Variants in RBFOX3 observed in about 807,000 individuals in gnomAD.
RBFOX3 encodes RNA binding protein fox-1 homolog 3.
RBFOX3 carries 17 observed loss-of-function variants against 48.7 expected under a neutral mutation model. That is an observed-to-expected ratio of 0.35 (90% CI 0.24 to 0.52). The LOEUF is 0.52. Ranked by LOEUF, RBFOX3 falls within the 20% of genes least tolerant of loss-of-function variation. The pLI is 0.94. For missense variants in RBFOX3, 382 were observed against 497.5 expected, an observed-to-expected ratio of 0.77 and a Z score of 2.21; for synonymous variants, 212 against 209.5, an observed-to-expected ratio of 1.01 and a Z score of -0.10.
At chr17:79,092,438 G>A in intron 14 of RBFOX3, 3 of 985,786 alleles carry the variant, frequency 3.0e-6, no homozygotes, top group Non-Finnish European at 3.6e-6. Flanking sequence ...TGGCTGGAGA[G>A]AAATAATCTA....
chr17:79,278,552 AC>A (rs10710735), intron 3 of RBFOX3, among the ~76,000 whole-genome samples: 151,967 of 151,982 alleles, frequency 1, 75,976 homozygotes, highest in Middle Eastern at 1. Context: ...GAGCATGCAG[AC>A]CCCCCACCCT....
At chr17:79,133,308 C>T (rs2039418572) in intron 4 of RBFOX3, among the ~76,000 whole-genome samples, 1 of 152,202 alleles carries the variant, frequency 6.6e-6, no homozygotes, top group Non-Finnish European at 1.5e-5. Flanking sequence ...TCACTACCAG[C>T]TCCTAGCAGA....
intron 2 of RBFOX3, among the ~76,000 whole-genome samples, chr17:79,321,360 A>G (rs1464878102): frequency 6.6e-6 from 1 of 152,242 alleles, no homozygotes; most frequent in African/African-American, 2.4e-5. Flanking sequence ...CAGGACGTAG[A>G]GAGGCTATGG....
intron 1 of RBFOX3, among the ~76,000 whole-genome samples, chr17:79,525,641 G>A (rs1284640105): frequency 1.3e-5 from 2 of 152,174 alleles, no homozygotes; most frequent in East Asian, 3.8e-4. Flanking sequence ...CTTGCCAGGA[G>A]CTCGATGTCT....
intron 1 of RBFOX3, among the ~76,000 whole-genome samples, chr17:79,590,018 A>C (rs928675199): frequency 6.6e-6 from 1 of 152,158 alleles, no homozygotes; most frequent in Non-Finnish European, 1.5e-5. Context: ...TCCACCCCCC[A>C]TGTATTCCCT....
intron 3 of RBFOX3, among the ~76,000 whole-genome samples, chr17:79,267,760 A>G (rs1289339902): frequency 1.3e-5 from 2 of 152,076 alleles, no homozygotes; most frequent in Admixed American, 6.6e-5. Flanking sequence ...GGCTGACACC[A>G]TTCCTCTCAG....
intron 4 of RBFOX3, among the ~76,000 whole-genome samples, chr17:79,190,043 C>A (rs1370778836): frequency 1.3e-5 from 2 of 152,222 alleles, no homozygotes; most frequent in East Asian, 3.9e-4. Flanking sequence ...ACTCTTGGTA[C>A]CCCCACTTGC....
chr17:79,123,760 A>AGGCAGGC (rs1021802887), intron 4 of RBFOX3, among the ~76,000 whole-genome samples: 1 of 152,308 alleles, frequency 6.6e-6, no homozygotes, highest in African/African-American at 2.4e-5. Flanking sequence ...CGCACCTGGC[A>AGGCAGGC]GGCAGGCGGC....
intron 4 of RBFOX3, among the ~76,000 whole-genome samples, chr17:79,182,604 C>T (rs1390532340): frequency 6.6e-6 from 1 of 151,926 alleles, no homozygotes; most frequent in Non-Finnish European, 1.5e-5. Context: ...ACGGGGCATC[C>T]TGGGGATCTG....
At chr17:79,236,254 G>A (rs1051575952) in intron 3 of RBFOX3, among the ~76,000 whole-genome samples, 3 of 151,974 alleles carry the variant, frequency 2.0e-5, no homozygotes, top group African/African-American at 7.3e-5. Context: ...GGTGTAGGGC[G>A]GGGGTCACTT....
intron 2 of RBFOX3, among the ~76,000 whole-genome samples, chr17:79,348,507 T>C (rs2083284595): frequency 6.6e-6 from 1 of 152,018 alleles, no homozygotes; most frequent in Non-Finnish European, 1.5e-5. Context: ...AGGGGTGAGT[T>C]TGGAGCAAGG....
chr17:79,431,654 T>G (rs559998422), intron 2 of RBFOX3, among the ~76,000 whole-genome samples: 1 of 152,246 alleles, frequency 6.6e-6, no homozygotes, highest in East Asian at 1.9e-4. Context: ...CTAGCTAATT[T>G]TTGTATCTTT....
At chr17:79,581,351 GACTTCC>G (rs1212821610) in intron 1 of RBFOX3, among the ~76,000 whole-genome samples, 2 of 152,192 alleles carry the variant, frequency 1.3e-5, no homozygotes, top group African/African-American at 4.8e-5. Context: ...CAAGAAGGAA[GACTTCC>G]CCTCGGGCTC....
chr17:79,385,915 G>C (rs945907028), intron 2 of RBFOX3, among the ~76,000 whole-genome samples: 2 of 127,172 alleles, frequency 1.6e-5, no homozygotes, highest in African/African-American at 6.1e-5. Flanking sequence ...CCATTAGAGA[G>C]AGAGGCTCCA....
chr17:79,328,146 C>T (rs545834637), intron 2 of RBFOX3, among the ~76,000 whole-genome samples: 14 of 152,206 alleles, frequency 9.2e-5, no homozygotes, highest in Admixed American at 2.0e-4. Context: ...CCCGTGGGTG[C>T]AAACACGGGC....
At chr17:79,283,711 C>T (rs561803866) in intron 3 of RBFOX3, among the ~76,000 whole-genome samples, 1 of 152,346 alleles carries the variant, frequency 6.6e-6, no homozygotes, top group East Asian at 1.9e-4. Flanking sequence ...ACACTCCTCC[C>T]GATGTCAGAC....
rs978185082 is a variant in RBFOX3 at position 79,443,444 on chromosome 17, C to G, written c.-175+39010G>C. 6.6e-6 allele frequency among the ~76,000 whole-genome samples: 1 copy of G among 152,014 alleles called. No homozygotes were observed. Among genetic ancestry groups the G allele is most frequent in the Non-Finnish European group, 1.5e-5 (1 of 67,974 alleles). On this transcript the variant is annotated intron_variant, in intron 2 of 14. Transcript: ENST00000693108. This position sits in a 1 kb window ranked among gnomAD's most constrained non-coding sequence, Gnocchi z 4.4. ...TCGCCCAGGCTGGAGTGCAGTGGCT[C>G]GATCTCGGCTCGCTGCAACCTCTGC...
At chr17:79,181,187 T>C (rs1488456308) in intron 4 of RBFOX3, among the ~76,000 whole-genome samples, 1 of 152,224 alleles carries the variant, frequency 6.6e-6, no homozygotes, top group Non-Finnish European at 1.5e-5. Flanking sequence ...TGGTGATAAC[T>C]AAGACAACAG....
At chr17:79,379,315 T>A (rs1021339416) in intron 2 of RBFOX3, among the ~76,000 whole-genome samples, 1 of 152,122 alleles carries the variant, frequency 6.6e-6, no homozygotes, top group Non-Finnish European at 1.5e-5. Context: ...CCCTGGGGAC[T>A]CAGGTCTCGG....
Sources: gnomAD v4.1 joint callset for allele counts (sites outside exome capture counted in the v4.1 genomes callset) on GRCh38, gnomAD v4.1.1 for gene constraint, Gnocchi (gnomAD v3.1) non-coding constraint, MANE v1.5 for transcripts, NCBI Gene and HGNC (gene_info 2026-07-23, HGNC 2026-07-21) for gene names.